MARCHF1: variants seen among roughly 807,000 people sequenced by gnomAD.
MARCHF1 encodes the protein membrane associated ring-CH-type finger 1, also known as E3 ubiquitin-protein ligase MARCHF1.
MARCHF1 carries 40 observed loss-of-function variants against 54.2 expected under a neutral mutation model. That is an observed-to-expected ratio of 0.74 (90% CI 0.57 to 0.96). The LOEUF (loss-of-function observed/expected upper bound fraction) is 0.96. Ranked by LOEUF, MARCHF1 falls within the 40% of genes least tolerant of loss-of-function variation. The probability of loss-of-function intolerance (pLI) is 0.00; values close to 1 mark genes in which losing one functional copy is unlikely to be tolerated. For missense variants in MARCHF1, 586 were observed against 656.5 expected, an observed-to-expected ratio of 0.89 and a Z score of 1.17; for synonymous variants, 236 against 236.3, an observed-to-expected ratio of 1.00 and a Z score of 0.01.
chr4:163,548,656 G>A (rs1345045061), intron 8 of MARCHF1, among the ~76,000 whole-genome samples: 1 of 152,204 alleles, frequency 6.6e-6, no homozygotes, highest in Non-Finnish European at 1.5e-5. Context: ...CAGCACACAA[G>A]TAAATGTAAT....
intron 9 of MARCHF1, among the ~76,000 whole-genome samples, chr4:163,535,947 G>A (rs1336960552): frequency 3.3e-5 from 5 of 152,048 alleles, no homozygotes; most frequent in African/African-American, 1.2e-4. Flanking sequence ...ACTTTTATTA[G>A]AGGCCAGGCA....
At chr4:164,008,173 CAGA>C (rs1753337904) in intron 2 of MARCHF1, among the ~76,000 whole-genome samples, 1 of 152,044 alleles carries the variant, frequency 6.6e-6, no homozygotes, top group South Asian at 2.1e-4. Context: ...CAATAAAGAG[CAGA>C]AGTAGTTACA....
At chr4:163,998,923 A>C (rs1269581843) in intron 2 of MARCHF1, among the ~76,000 whole-genome samples, 1 of 151,782 alleles carries the variant, frequency 6.6e-6, no homozygotes. Flanking sequence ...ATAGAAGTGC[A>C]GATATCTCTT....
intron 5 of MARCHF1, among the ~76,000 whole-genome samples, chr4:163,634,206 A>G (rs1321320426): frequency 1.3e-5 from 2 of 152,040 alleles, no homozygotes; most frequent in African/African-American, 4.8e-5. Context: ...CAAAATAACC[A>G]GCTAACATCA....
At chr4:163,866,481 T>TATATATATATATATATATATATATATAA (rs1167768240) in intron 3 of MARCHF1, among the ~76,000 whole-genome samples, 1 of 145,474 alleles carries the variant, frequency 6.9e-6, no homozygotes, top group Non-Finnish European at 1.5e-5. Flanking sequence ...TATATATATA[T>TATATATATATATATATATATATATATAA]AATAGGACTG....
At chr4:163,770,521 A>AACACAC (rs36201521) in intron 4 of MARCHF1, among the ~76,000 whole-genome samples, 88 of 147,302 alleles carry the variant, frequency 6.0e-4, no homozygotes, top group African/African-American at 2.2e-3. Context: ...TCCCTCACTG[A>AACACAC]ACACACACAC....
intron 5 of MARCHF1, among the ~76,000 whole-genome samples, chr4:163,696,621 T>C (rs11100515): frequency 0.044 from 6,703 of 152,188 alleles, 416 homozygotes; most frequent in East Asian, 0.22. Context: ...ATGCATTCTA[T>C]TATTTAAAGT....
chr4:164,197,003 G>T (rs758000154), intron 1 of MARCHF1: 2 of 1,604,620 alleles, frequency 1.2e-6, no homozygotes, highest in Admixed American at 1.7e-5. Flanking sequence ...TCATCTTCAG[G>T]TTCTCATTTT....
chr4:164,197,864 CT>C (rs1179513091), intron 1 of MARCHF1, among the ~76,000 whole-genome samples: 1 of 152,014 alleles, frequency 6.6e-6, no homozygotes, highest in African/African-American at 2.4e-5. Flanking sequence ...AATAAAGGGA[CT>C]GATAAGTAAC....
intron 4 of MARCHF1, among the ~76,000 whole-genome samples, chr4:163,771,474 G>C (rs1039118175): frequency 6.6e-6 from 1 of 152,166 alleles, no homozygotes; most frequent in African/African-American, 2.4e-5. Flanking sequence ...TGTCTGATGA[G>C]GGCCTACTCC....
intron 2 of MARCHF1, among the ~76,000 whole-genome samples, chr4:164,078,238 T>C (rs948536486): frequency 6.6e-6 from 1 of 152,110 alleles, no homozygotes; most frequent in Non-Finnish European, 1.5e-5. Context: ...TGCAAGGACA[T>C]GAAGCTGGAA....
intron 7 of MARCHF1, among the ~76,000 whole-genome samples, chr4:163,605,910 T>C (rs960943797): frequency 2.6e-5 from 4 of 151,704 alleles, no homozygotes; most frequent in Admixed American, 6.6e-5. Flanking sequence ...CTGTTGCGGG[T>C]TGGGGGGCTA....
chr4:163,974,659 A>C (rs1247785024), intron 3 of MARCHF1, among the ~76,000 whole-genome samples: 1 of 152,202 alleles, frequency 6.6e-6, no homozygotes, highest in Non-Finnish European at 1.5e-5. Context: ...AGAAATTATA[A>C]TAGATATATG....
chr4:163,623,017 G>A (rs1025157759), intron 5 of MARCHF1, among the ~76,000 whole-genome samples: 3 of 152,152 alleles, frequency 2.0e-5, no homozygotes, highest in Non-Finnish European at 4.4e-5. Context: ...ACATACAGTT[G>A]GAAAGAGAGT....
intron 1 of MARCHF1, among the ~76,000 whole-genome samples, chr4:164,261,679 G>T (rs144152870): frequency 6.6e-6 from 1 of 152,036 alleles, no homozygotes; most frequent in Non-Finnish European, 1.5e-5. Context: ...CAAAGAACTG[G>T]CTCCTTTAAG....
intron 7 of MARCHF1, among the ~76,000 whole-genome samples, chr4:163,604,971 G>T (rs1741094440): frequency 6.6e-6 from 1 of 151,626 alleles, no homozygotes; most frequent in Admixed American, 6.6e-5. Context: ...TTAATTACTT[G>T]TCTTAGCAAC....
chr4:164,038,357 G>C (rs139529209), intron 2 of MARCHF1, among the ~76,000 whole-genome samples: 392 of 152,260 alleles, frequency 2.6e-3, no homozygotes, highest in African/African-American at 9.1e-3. Flanking sequence ...ATCCAGGCGT[G>C]GTGGCGGCAC....
intron 2 of MARCHF1, among the ~76,000 whole-genome samples, chr4:164,093,445 A>C (rs1755346001): frequency 6.6e-6 from 1 of 152,180 alleles, no homozygotes; most frequent in South Asian, 2.1e-4. Context: ...GCAAATAGAC[A>C]CTGAGAAATG....
intron 5 of MARCHF1, among the ~76,000 whole-genome samples, chr4:163,671,320 T>G (rs1743728685): frequency 6.6e-6 from 1 of 152,208 alleles, no homozygotes; most frequent in African/African-American, 2.4e-5. Flanking sequence ...TGGACTAAGT[T>G]GAGTGAATCA....
Sources: gnomAD v4.1 joint callset for allele counts (sites outside exome capture counted in the v4.1 genomes callset) on GRCh38, gnomAD v4.1.1 for gene constraint, MANE v1.5 for transcripts, NCBI Gene and HGNC (gene_info 2026-07-23, HGNC 2026-07-21) for gene names.